The following SPRR2F variants were observed in gnomAD, a reference collection of about 807,000 sequenced individuals.
SPRR2F encodes small proline-rich protein 2F.
SPRR2F carries 2 observed loss-of-function variants against 0.8 expected under a neutral mutation model. That is an observed-to-expected ratio of 2.52 (90% CI 1.03 to 7.95). The LOEUF (loss-of-function observed/expected upper bound fraction) is 7.95, where lower values mean the gene tolerates loss of function less well. Ranked by LOEUF, SPRR2F falls within the 30% of genes most tolerant of loss-of-function variation. SPRR2F has a pLI of 0.04. For synonymous variants in SPRR2F, 39 were observed against 33.4 expected (o/e 1.17, Z -0.58); for missense variants, 80 against 85.8 (o/e 0.93, Z 0.27).
chr1:153,115,667 G>A (rs1305813246), upstream of SPRR2F, among the ~76,000 whole-genome samples: 2 of 152,188 alleles, frequency 1.3e-5, no homozygotes, highest in East Asian at 3.9e-4. Flanking sequence ...GAGACATGCA[G>A]CAAGGCATAC....
chr1:153,115,106 C>T (rs1175257235), upstream of SPRR2F, among the ~76,000 whole-genome samples: 1 of 152,060 alleles, frequency 6.6e-6, no homozygotes, highest in East Asian at 1.9e-4. Flanking sequence ...CCATTGCTCC[C>T]GTCAATAAGG....
At chr1:153,116,203 G>C (rs1303604773), upstream of SPRR2F, among the ~76,000 whole-genome samples, 2 of 152,056 alleles carry the variant, frequency 1.3e-5, no homozygotes, top group African/African-American at 4.8e-5. Context: ...GGACATTAAT[G>C]TTGCAGAATT....
chr1:153,117,052 A>C (rs1655734122), upstream of SPRR2F, among the ~76,000 whole-genome samples: 1 of 152,114 alleles, frequency 6.6e-6, no homozygotes, highest in Non-Finnish European at 1.5e-5. Flanking sequence ...AAATAGAGCC[A>C]AAACTTCAAG....
chr1:153,113,554 T>G (rs777745030), upstream of SPRR2F: 3 of 152,200 alleles, frequency 2.0e-5, no homozygotes, highest in Admixed American at 2.0e-4. Flanking sequence ...TAGGGCCTGC[T>G]ACCCCTCCCA....
At chr1:153,114,547 C>T (rs1027368178), upstream of SPRR2F, among the ~76,000 whole-genome samples, 8 of 152,204 alleles carry the variant, frequency 5.3e-5, no homozygotes, top group Admixed American at 1.3e-4. Context: ...AGATGGTCAG[C>T]GCACCTAAAG....
At chr1:153,117,665 A>G (rs994332192), upstream of SPRR2F, among the ~76,000 whole-genome samples, 5 of 152,086 alleles carry the variant, frequency 3.3e-5, no homozygotes, top group African/African-American at 4.8e-5. Context: ...GACTAGTTAA[A>G]AGAATAATTT....
At chr1:153,114,168 TTCTA>T (rs1655671328), upstream of SPRR2F, among the ~76,000 whole-genome samples, 1 of 151,826 alleles carries the variant, frequency 6.6e-6, no homozygotes, top group Admixed American at 6.6e-5. Flanking sequence ...TCTCCTCCAC[TTCTA>T]TCTTTCTCTC....
chr1:153,113,226 C>T (rs569889146), intron 1 of SPRR2F, among the ~76,000 whole-genome samples: 2 of 152,280 alleles, frequency 1.3e-5, no homozygotes, highest in Non-Finnish European at 2.9e-5. Flanking sequence ...AAGAAAAATA[C>T]TTTGTTATTT....
upstream of SPRR2F, among the ~76,000 whole-genome samples, chr1:153,116,798 G>A (rs776810637): frequency 3.3e-5 from 5 of 151,994 alleles, no homozygotes; most frequent in African/African-American, 1.2e-4. Context: ...TCTACTATCT[G>A]AGAGCCAGAA....
the SPRR2F span, among the ~76,000 whole-genome samples, chr1:153,119,352 C>T: frequency 1.3e-5 from 2 of 152,210 alleles, no homozygotes; most frequent in Non-Finnish European, 2.9e-5. Flanking sequence ...GAGAGACTCA[C>T]TTTACATGGA....
Position 153,113,502 on chromosome 1 carries a change from G to A in SPRR2F, c.-48C>T, listed in dbSNP as rs1253066349. The A allele has an allele frequency of 6.6e-6, 1 of 152,346 alleles. No homozygotes were observed. Among genetic ancestry groups the A allele is most frequent in the Non-Finnish European group, 1.5e-5 (1 of 68,178 alleles). 9.4% of individuals were successfully genotyped at this position (152,346 alleles called of 1,614,324 possible). On this transcript the variant is annotated 5_prime_UTR_variant, in exon 1 of 2. Coordinates refer to ENST00000468739, the MANE Select transcript of SPRR2F (RefSeq NM_001014450.3). ...GTTCTCCAAGGCAGATCGGTGCTTAGGTACCAGGAGTTTAGGAGTCGTGCA... is the reference window on the plus strand; with the variant it reads ...GTTCTCCAAGGCAGATCGGTGCTTAAGTACCAGGAGTTTAGGAGTCGTGCA...
upstream of SPRR2F, among the ~76,000 whole-genome samples, chr1:153,116,905 A>G (rs1434933546): frequency 6.6e-6 from 1 of 152,118 alleles, no homozygotes; most frequent in Non-Finnish European, 1.5e-5. Flanking sequence ...AGTGATAATA[A>G]TAGTACCTAC....
the SPRR2F span, among the ~76,000 whole-genome samples, chr1:153,119,272 T>C: frequency 6.6e-6 from 1 of 152,320 alleles, no homozygotes; most frequent in South Asian, 2.1e-4. Flanking sequence ...AGAATTAAAC[T>C]TTCTAATCAA....
chr1:153,116,050 A>C (rs1299574140), upstream of SPRR2F, among the ~76,000 whole-genome samples: 1 of 152,208 alleles, frequency 6.6e-6, no homozygotes, highest in African/African-American at 2.4e-5. Flanking sequence ...AACATGCAAG[A>C]AGAAACAGGA....
upstream of SPRR2F, among the ~76,000 whole-genome samples, chr1:153,115,085 T>G (rs111243355): frequency 2.6e-5 from 4 of 152,200 alleles, no homozygotes; most frequent in African/African-American, 9.6e-5. Flanking sequence ...CAGGTTAGGT[T>G]CCCAGAGCTG....
rs553996576 is a variant in SPRR2F, at chr1:153,112,250, G to A, written c.*265C>T. On this transcript the variant is annotated 3_prime_UTR_variant, in exon 2 of 2. Transcript: ENST00000468739. ...AATTCTCTAATGGTTCCCAGGGAGA[G>A]AGCTGCTCTTTCTTCTGAAGCTCTG... 26 of 551,228 alleles carry A rather than the reference G, an allele frequency of 4.7e-5. No individual in the cohort carries two copies. Among genetic ancestry groups the A allele is most frequent in the Middle Eastern group, 9.5e-4 (2 of 2,096 alleles). The allele number at this position is 551,228 out of a possible 1,614,324, so 34.1% of individuals were successfully genotyped here.
chr1:153,115,865 A>G (rs1049712388), upstream of SPRR2F, among the ~76,000 whole-genome samples: 50 of 152,282 alleles, frequency 3.3e-4, no homozygotes, highest in Admixed American at 9.8e-4. Context: ...CTTTTACTCC[A>G]TAATTTTTGA....
chr1:153,115,708 G>A (rs1369628094), upstream of SPRR2F, among the ~76,000 whole-genome samples: 3 of 152,006 alleles, frequency 2.0e-5, no homozygotes, highest in African/African-American at 7.2e-5. Context: ...CACCATGGGT[G>A]TGTGTCTATC....
chr1:153,117,820 C>G (rs967763088), upstream of SPRR2F, among the ~76,000 whole-genome samples: 4 of 151,934 alleles, frequency 2.6e-5, no homozygotes, highest in Admixed American at 2.6e-4. Context: ...AAAGTTGCCT[C>G]CCTTCACACA....
Sources: gnomAD v4.1 joint callset for allele counts (sites outside exome capture counted in the v4.1 genomes callset) on GRCh38, gnomAD v4.1.1 for gene constraint, MANE v1.5 for transcripts, NCBI Gene and HGNC (gene_info 2026-07-23, HGNC 2026-07-21) for gene names.